Variants in FAM228B observed in about 807,000 individuals in gnomAD.
FAM228B encodes family with sequence similarity 228 member B.
FAM228B carries 38 observed loss-of-function variants against 42.6 expected under a neutral mutation model. The observed-to-expected ratio is 0.89, with a 90% CI of 0.69 to 1.17. The LOEUF is 1.17. Ranked by LOEUF, FAM228B falls within the 50% of genes most tolerant of loss-of-function variation. The probability of loss-of-function intolerance (pLI) is 0.00; values close to 1 mark genes in which losing one functional copy is unlikely to be tolerated. For synonymous variants in FAM228B, 109 were observed against 122.3 expected, an observed-to-expected ratio of 0.89 and a Z score of 0.72; for missense variants, 344 against 367.3, an observed-to-expected ratio of 0.94 and a Z score of 0.52.
intron 5 of FAM228B, among the ~76,000 whole-genome samples, chr2:24,142,238 A>T (rs918440150): frequency 6.6e-6 from 1 of 152,152 alleles, no homozygotes; most frequent in Non-Finnish European, 1.5e-5. Flanking sequence ...TCCCCAGTAC[A>T]GAAAAGGTTC....
intron 3 of FAM228B, among the ~76,000 whole-genome samples, chr2:24,098,719 A>C (rs1420615617): frequency 1.3e-5 from 2 of 152,260 alleles, no homozygotes; most frequent in Non-Finnish European, 2.9e-5. Flanking sequence ...AGGAGCTGGT[A>C]CCATTCCTTC....
chr2:24,160,206 T>G (rs1667255403), intron 7 of FAM228B, among the ~76,000 whole-genome samples: 1 of 152,072 alleles, frequency 6.6e-6, no homozygotes, highest in East Asian at 1.9e-4. Flanking sequence ...ACCAGGCTGG[T>G]CTCGAACTCC....
At chr2:24,165,543 C>T (rs1245680954) in intron 9 of FAM228B, 2 of 455,754 alleles carry the variant, frequency 4.4e-6, no homozygotes, top group African/African-American at 4.0e-5. Context: ...CTGCAGCCCC[C>T]AGCCCCTAGC....
Position 24,084,380 on chromosome 2 carries a change from GCAGGACAGGACAGGGCAGGGCAGGA to G in FAM228B, c.-210+3435_-210+3459del, listed in dbSNP as rs1277154544. On this transcript the variant is annotated intron_variant, in intron 2 of 10. Transcript: ENST00000613899. The surrounding 1 kb of genome is among the most constrained non-coding windows in gnomAD (Gnocchi z 8.4). ...GCAGGACAGGACAGGGCAGGGCAGG[GCAGGACAGGACAGGGCAGGGCAGGA>G]CAGGACAGGGCAGGGGCCGCTGTAT... 2.8e-5 allele frequency: 32 copies of G among 1,158,958 alleles called. No homozygotes were observed. The Middle Eastern group carries it at 1.5e-3, about 54-fold the overall frequency. The allele number at this position is 1,158,958 out of a possible 1,614,324, so 71.8% of individuals were successfully genotyped here. A position where few individuals can be genotyped will look rare whatever the true frequency, so the allele number is the denominator to read the frequency against.
Position 24,080,961 on chromosome 2 carries a change from T to C in FAM228B, c.-210+6T>C, listed in dbSNP as rs1003864359. 7 of 1,613,994 alleles carry C rather than the reference T, an allele frequency of 4.3e-6. No homozygotes were observed. The highest frequency in any genetic ancestry group is 1.7e-5 in the Admixed American group (1 of 59,994). On this transcript the variant is annotated splice_donor_region_variant and intron_variant, in intron 2 of 10. Transcript: ENST00000613899. The surrounding 1 kb of genome is among the most constrained non-coding windows in gnomAD (Gnocchi z 4.7). ...GAATAGCTCCAGCCATCCGGGTGAGTTGGATAGCAGCTGTGCCCACACCAC... is the reference window on the plus strand; with the variant it reads ...GAATAGCTCCAGCCATCCGGGTGAGCTGGATAGCAGCTGTGCCCACACCAC...
chr2:24,129,955 C>CT (rs35687571), intron 2 of FAM228B, among the ~76,000 whole-genome samples: 46,755 of 151,846 alleles, frequency 0.31, 7,590 homozygotes, highest in South Asian at 0.43. Flanking sequence ...CTAATGCTCA[C>CT]CTCCCCTCAC....
chr2:24,120,057 T>C (rs936036728), upstream of FAM228B, among the ~76,000 whole-genome samples: 19 of 151,636 alleles, frequency 1.3e-4, no homozygotes, highest in Admixed American at 1.1e-3. Context: ...TCACCTGAGG[T>C]TGGAAGTTTG....
intron 7 of FAM228B, among the ~76,000 whole-genome samples, chr2:24,157,004 G>C (rs1458672035): frequency 6.6e-6 from 1 of 152,116 alleles, no homozygotes; most frequent in East Asian, 1.9e-4. Context: ...CTGTACCCCA[G>C]AGGTTATGAT....
At position 24,155,504 on chromosome 2, in the gene FAM228B, C is replaced by CTTATATATATATATATATAT. The variant is rs1216710906; in HGVS notation, c.687-6002_687-6001insTTATATATATATATATATAT. ...GTGCCAGAAGTCATTGAAGACCATG[C>CTTATATATATATATATATAT]ATATATATATATATATATATATATA... On this transcript the variant is annotated intron_variant, in intron 7 of 10. Coordinates refer to ENST00000615575, the MANE Select transcript of FAM228B (RefSeq NM_001145710.2). Among the ~76,000 whole-genome samples, 36 of 35,896 alleles carry CTTATATATATATATATATAT rather than the reference C, an allele frequency of 1.0e-3. 6 individuals carry two copies. The highest frequency in any genetic ancestry group is 1.8e-3 in the Non-Finnish European group (33 of 18,358). 23.5% of individuals were successfully genotyped at this position (35,896 alleles called of 152,430 possible).
chr2:24,124,337 A>G lies in FAM228B; in HGVS notation c.-25A>G, dbSNP rs1666244523. On this transcript the variant is annotated 5_prime_UTR_variant, in exon 2 of 11. Transcript: ENST00000615575. The stretch of plus-strand genomic sequence containing the variant: ...AAATAAGATGATTTTTAGTTTTTCC[A>G]GGGGCATTGTTATTTGTGACCACAA... 4 of 1,449,258 alleles carry G rather than the reference A, an allele frequency of 2.8e-6. No individual in the cohort carries two copies. The highest frequency in any genetic ancestry group is 3.7e-6 in the Non-Finnish European group (4 of 1,066,758). The allele number at this position is 1,449,258 out of a possible 1,614,324, so 89.8% of individuals were successfully genotyped here. A position where few individuals can be genotyped will look rare whatever the true frequency, so the allele number is the denominator to read the frequency against.
intron 9 of FAM228B, chr2:24,166,054 A>AAAAATATATATATATATATAT (rs56146407): frequency 3.5e-4 from 28 of 81,034 alleles, no homozygotes; most frequent in African/African-American, 7.2e-4. Context: ...AAAAAAAAAA[A>AAAAATATATATATATATATAT]ATATATATAT....
At chr2:24,124,512 A>G in intron 2 of FAM228B, 52 bp downstream of exon 2, 2 of 1,137,110 alleles carry the variant, frequency 1.8e-6, no homozygotes, top group Non-Finnish European at 2.5e-6. Flanking sequence ...GGATCGTTGC[A>G]GTAGGAAGTG....
rs554645047 is a variant in FAM228B, at chr2:24,105,777, C to T, written c.-121+10548C>T. On this transcript the variant is annotated intron_variant, in intron 3 of 10. Coordinates refer to the FAM228B transcript ENST00000613899. ...CTCTATAAAAAAGAACCCAACTGAT[C>T]TGATACAGCTGAAAAACACACTACA... Among the ~76,000 whole-genome samples, 13 of 152,294 alleles carry T rather than the reference C, an allele frequency of 8.5e-5. No individual in the cohort carries two copies. In the South Asian group the frequency reaches 2.7e-3, roughly 32 times the overall value.
intron 2 of FAM228B, chr2:24,082,831 AT>A (rs1665064204): frequency 2.0e-6 from 3 of 1,532,170 alleles, no homozygotes; most frequent in Non-Finnish European, 1.8e-6. Context: ...AAGTTGGCTG[AT>A]TTATGAAGGT....
At position 24,084,152 on chromosome 2, in the gene FAM228B, AGTCCCGCCCGC is replaced by A. The variant is rs761970600; in HGVS notation, c.-210+3198_-210+3208del. ...AGTGCTGTTGAGAGGGAGGCTCTGGAGTCCCGCCCGCCCCGGCGCGGCTGAGCCCTGGGTAC... is the reference window on the plus strand; with the variant it reads ...AGTGCTGTTGAGAGGGAGGCTCTGGACCCGGCGCGGCTGAGCCCTGGGTAC... On this transcript the variant is annotated intron_variant, in intron 2 of 10. Transcript: ENST00000613899. This position sits in a 1 kb window ranked among gnomAD's most constrained non-coding sequence, Gnocchi z 8.4. 1.9e-6 allele frequency: 3 copies of A among 1,584,284 alleles called. No individual in the cohort carries two copies. The South Asian group carries it at 3.5e-5, about 18-fold the overall frequency.
Position 24,077,439 on chromosome 2 carries a change from T to G in FAM228B, c.-290+470T>G. 8.7e-6 allele frequency: 9 copies of G among 1,039,342 alleles called. No individual in the cohort carries two copies. The highest frequency in any genetic ancestry group is 2.4e-5 in the South Asian group (1 of 42,274). The allele number at this position is 1,039,342 out of a possible 1,614,324, so 64.4% of individuals were successfully genotyped here. A position where few individuals can be genotyped will look rare whatever the true frequency, so the allele number is the denominator to read the frequency against. ...CCCAGTCCGCGTGCCACCCTTCCAG[T>G]TCACTCTTTATTTCCTCATATCAGC... On this transcript the variant is annotated intron_variant, in intron 1 of 10. Coordinates refer to the FAM228B transcript ENST00000613899. This position sits in a 1 kb window ranked among gnomAD's most constrained non-coding sequence, Gnocchi z 5.5.
intron 3 of FAM228B, among the ~76,000 whole-genome samples, chr2:24,097,793 T>G (rs920809125): frequency 2.0e-5 from 3 of 152,198 alleles, no homozygotes; most frequent in African/African-American, 7.2e-5. Flanking sequence ...CTAATAGACA[T>G]CTACATAACT....
intron 3 of FAM228B, among the ~76,000 whole-genome samples, chr2:24,103,542 G>T (rs1182913538): frequency 6.6e-6 from 1 of 152,174 alleles, no homozygotes; most frequent in East Asian, 1.9e-4. Context: ...GACCCAGTTG[G>T]AAGTTTGTAA....
upstream of FAM228B, among the ~76,000 whole-genome samples, chr2:24,121,645 C>A (rs763584632): frequency 6.6e-6 from 1 of 152,068 alleles, no homozygotes; most frequent in South Asian, 2.1e-4. Context: ...TGATTCCCAG[C>A]GTTTTCGGTG....
Sources: gnomAD v4.1 joint callset for allele counts (sites outside exome capture counted in the v4.1 genomes callset) on GRCh38, gnomAD v4.1.1 for gene constraint, Gnocchi (gnomAD v3.1) non-coding constraint, MANE v1.5 for transcripts, NCBI Gene and HGNC (gene_info 2026-07-23, HGNC 2026-07-21) for gene names.